The following EPB41 variants were observed in gnomAD, a reference collection of about 807,000 sequenced individuals.
EPB41 encodes protein 4.1.
In EPB41, 65 loss-of-function variants were observed where a neutral mutation model predicts 108.0. The observed-to-expected ratio is 0.60, with a 90% CI of 0.49 to 0.74. The LOEUF (loss-of-function observed/expected upper bound fraction) is 0.74. Among genes scored for constraint, EPB41 ranks in the 30% least tolerant of loss-of-function variants. EPB41 has a pLI of 0.00. For synonymous variants in EPB41, 336 were observed against 358.9 expected (o/e 0.94, Z 0.72); for missense variants, 875 against 1,037.0 (o/e 0.84, Z 2.15).
intron 11 of EPB41, among the ~76,000 whole-genome samples, chr1:29,052,428 G>A (rs911085162): frequency 1.3e-5 from 2 of 152,182 alleles, no homozygotes; most frequent in Non-Finnish European, 2.9e-5. Context: ...AGAGATAGTA[G>A]GACAGAACTC....
chr1:28,980,064 G>A (rs2095700791), intron 1 of EPB41, among the ~76,000 whole-genome samples: 2 of 152,210 alleles, frequency 1.3e-5, no homozygotes, highest in Admixed American at 1.3e-4. Context: ...AGTGCATTGT[G>A]GCAGGTTCAC....
intron 17 of EPB41, among the ~76,000 whole-genome samples, chr1:29,107,886 G>A (rs188960153): frequency 4.1e-5 from 6 of 145,904 alleles, no homozygotes; most frequent in Admixed American, 2.7e-4. Context: ...AAAATTAGCC[G>A]GGCGTGGTGG....
chr1:29,001,580 C>G (rs150909387), intron 4 of EPB41, among the ~76,000 whole-genome samples: 107 of 152,176 alleles, frequency 7.0e-4, no homozygotes, highest in Non-Finnish European at 1.5e-3. Flanking sequence ...GAAAAGATGG[C>G]TTTATTCTGC....
chr1:28,902,066 G>T, intron 1 of EPB41: 1 of 626,010 alleles, frequency 1.6e-6, no homozygotes, highest in Non-Finnish European at 2.0e-6. Context: ...GAAGTGCTCA[G>T]TAAATATTTG....
chr1:29,059,343 A>G (rs1047483350), intron 14 of EPB41, among the ~76,000 whole-genome samples: 2 of 152,168 alleles, frequency 1.3e-5, no homozygotes, highest in Non-Finnish European at 2.9e-5. Flanking sequence ...TCAGTAGCAA[A>G]ATATGTTTTT....
At chr1:28,967,485 C>G (rs2095389042) in intron 1 of EPB41, among the ~76,000 whole-genome samples, 1 of 152,120 alleles carries the variant, frequency 6.6e-6, no homozygotes, top group Admixed American at 6.6e-5. Context: ...GATATTTAAC[C>G]TTTGGTAATT....
At chr1:28,905,505 AAAC>A (rs1275909524) in intron 1 of EPB41, among the ~76,000 whole-genome samples, 2 of 151,730 alleles carry the variant, frequency 1.3e-5, no homozygotes, top group African/African-American at 4.8e-5. Flanking sequence ...CAAAAAAAAA[AAAC>A]AACAAAAAAC....
intron 1 of EPB41, among the ~76,000 whole-genome samples, chr1:28,969,386 A>G (rs1176351154): frequency 1.3e-5 from 2 of 150,342 alleles, no homozygotes; most frequent in African/African-American, 4.9e-5. Flanking sequence ...CGCCCAGCCC[A>G]TGTCTTACTT....
intron 1 of EPB41, among the ~76,000 whole-genome samples, chr1:28,926,294 A>G (rs1468051944): frequency 6.6e-6 from 1 of 150,910 alleles, no homozygotes; most frequent in Non-Finnish European, 1.5e-5. Context: ...GGTATGATAC[A>G]AATACATATC....
chr1:28,978,818 G>A (rs1044695105), intron 1 of EPB41, among the ~76,000 whole-genome samples: 5 of 151,440 alleles, frequency 3.3e-5, no homozygotes, highest in African/African-American at 1.2e-4. Context: ...TTGGACTCAA[G>A]GACTTATACC....
chr1:28,897,551 A>G (rs1175294163), intron 1 of EPB41, among the ~76,000 whole-genome samples: 7 of 143,408 alleles, frequency 4.9e-5, no homozygotes, highest in South Asian at 4.7e-4. Flanking sequence ...CCCTGTAGGT[A>G]GGTAGGTAGG....
chr1:29,073,378 T>A (rs973530193), intron 16 of EPB41, among the ~76,000 whole-genome samples: 1 of 152,172 alleles, frequency 6.6e-6, no homozygotes, highest in Admixed American at 6.5e-5. Flanking sequence ...CACCTAGTAA[T>A]GTGGAGACAA....
chr1:28,935,584 T>C (rs1424481113), intron 1 of EPB41, among the ~76,000 whole-genome samples: 1 of 151,700 alleles, frequency 6.6e-6, no homozygotes, highest in African/African-American at 2.4e-5. Context: ...ATACTCATCT[T>C]CTTCAAATAG....
intron 17 of EPB41, among the ~76,000 whole-genome samples, chr1:29,104,652 C>T (rs538772698): frequency 6.6e-6 from 1 of 152,148 alleles, no homozygotes; most frequent in Non-Finnish European, 1.5e-5. Context: ...AGCATGATCT[C>T]AGCTCACTGC....
chr1:29,096,462 C>T (rs1293909120), intron 16 of EPB41: 3 of 985,750 alleles, frequency 3.0e-6, no homozygotes, highest in Middle Eastern at 5.2e-4. Context: ...ACACCAGCTT[C>T]CTGTCAGCTG....
chr1:29,031,219 G>A (rs1386544320), intron 8 of EPB41, among the ~76,000 whole-genome samples: 1 of 152,138 alleles, frequency 6.6e-6, no homozygotes, highest in Non-Finnish European at 1.5e-5. Flanking sequence ...CTACTGTTAA[G>A]ATCAAAAGAT....
intron 1 of EPB41, among the ~76,000 whole-genome samples, chr1:28,905,739 C>T (rs1450138462): frequency 1.3e-5 from 2 of 151,722 alleles, no homozygotes; most frequent in South Asian, 4.2e-4. Flanking sequence ...TAGAGTCATA[C>T]AGCAAATTTA....
At chr1:28,971,790 C>A (rs2095501655) in intron 1 of EPB41, among the ~76,000 whole-genome samples, 1 of 151,972 alleles carries the variant, frequency 6.6e-6, no homozygotes, top group South Asian at 2.1e-4. Flanking sequence ...ATAATGATGA[C>A]TAAATCAATA....
At chr1:29,016,688 T>G (rs759007451) in intron 6 of EPB41, among the ~76,000 whole-genome samples, 14 of 150,728 alleles carry the variant, frequency 9.3e-5, no homozygotes, top group Non-Finnish European at 1.5e-4. Context: ...TTTTATTGGA[T>G]TCTATAAAAA....
Sources: gnomAD v4.1 joint callset for allele counts (sites outside exome capture counted in the v4.1 genomes callset) on GRCh38, gnomAD v4.1.1 for gene constraint, MANE v1.5 for transcripts, NCBI Gene and HGNC (gene_info 2026-07-23, HGNC 2026-07-21) for gene names.